Variants in POLR3A observed in about 807,000 individuals in gnomAD.
POLR3A encodes RNA polymerase III subunit A.
In POLR3A, 112 loss-of-function variants were observed where a neutral mutation model predicts 152.8. That is an observed-to-expected ratio of 0.73 (90% CI 0.63 to 0.86). The LOEUF (loss-of-function observed/expected upper bound fraction) is 0.86. Ranked by LOEUF, POLR3A falls within the 40% of genes least tolerant of loss-of-function variation. The pLI, the probability that POLR3A is intolerant of heterozygous loss-of-function variation, is 0.00. For synonymous variants in POLR3A, 615 were observed against 652.1 expected, an observed-to-expected ratio of 0.94 and a Z score of 0.87; for missense variants, 1,385 against 1,743.1, an observed-to-expected ratio of 0.79 and a Z score of 3.66.
intron 1 of POLR3A, 45 bp downstream of exon 1, chr10:78,029,319 C>CT: frequency 6.2e-7 from 1 of 1,607,116 alleles, no homozygotes; most frequent in Non-Finnish European, 8.5e-7. Context: ...CCTCGGACCC[C>CT]TTGCCCTATT....
intron 21 of POLR3A, among the ~76,000 whole-genome samples, chr10:77,988,133 C>T (rs1434709790): frequency 6.6e-6 from 1 of 152,126 alleles, no homozygotes; most frequent in African/African-American, 2.4e-5. Flanking sequence ...CTGTGTTGGC[C>T]CACTCTCTTT....
At chr10:77,985,095 T>C (rs1490783473) in intron 24 of POLR3A, 75 bp downstream of exon 24, 2 of 1,205,326 alleles carry the variant, frequency 1.7e-6, no homozygotes, top group Admixed American at 1.7e-5. Flanking sequence ...CACATATGCA[T>C]GTGACACGGG....
chr10:78,007,352 T>C (rs546004184), intron 15 of POLR3A, among the ~76,000 whole-genome samples: 34 of 152,248 alleles, frequency 2.2e-4, no homozygotes, highest in Middle Eastern at 6.8e-3. Context: ...TTGAGTAATC[T>C]TGGAGAACTG....
At position 78,004,889 on chromosome 10, in the gene POLR3A, C is replaced by G; in HGVS notation, c.2075-1G>C. 6.2e-7 allele frequency: 1 copy of G among 1,613,948 alleles called. No homozygotes were observed. The highest frequency in any genetic ancestry group is 8.5e-7 in the Non-Finnish European group (1 of 1,179,828). ...ATCCCAATTGAGAAACCACGGTTAG[C>G]TGTTGAGTTGGTAGAGCAGGAAGAA... On this transcript the variant is annotated splice_acceptor_variant, in intron 15 of 30. Coordinates refer to ENST00000372371, the MANE Select transcript of POLR3A (RefSeq NM_007055.4). LOFTEE classifies it high-confidence loss of function.
chr10:77,988,414 T>C (rs1184622796), intron 21 of POLR3A, among the ~76,000 whole-genome samples: 1 of 151,584 alleles, frequency 6.6e-6, no homozygotes, highest in African/African-American at 2.4e-5. Flanking sequence ...CCCAGCTATT[T>C]GGGAGGCTGA....
chr10:78,007,928 A>T, intron 14 of POLR3A, 62 bp from the exon 15 acceptor site: 2 of 1,367,008 alleles, frequency 1.5e-6, no homozygotes, highest in South Asian at 2.3e-5. Flanking sequence ...TTCCAAAATG[A>T]ATTTGAGACA....
intron 8 of POLR3A, chr10:78,019,490 T>C (rs577660647): frequency 1.7e-6 from 1 of 579,582 alleles, no homozygotes; most frequent in East Asian, 3.0e-5. Context: ...CTGAGTGACA[T>C]GGCCAATTCC....
intron 30 of POLR3A, 67 bp downstream of exon 30, chr10:77,980,074 G>C (rs1477146682): frequency 1.4e-6 from 2 of 1,451,676 alleles, no homozygotes; most frequent in Non-Finnish European, 1.9e-6. Context: ...TCCCTTGGAA[G>C]CCTAGCCATG....
Position 77,982,762 on chromosome 10 carries a change from G to A in POLR3A, c.3485C>T (p.Pro1162Leu), listed in dbSNP as rs768578854. The change falls in exon 27 of 31, where the codon CCC becomes CTC. Residue 1162 changes from proline to leucine, a missense_variant. Transcript: ENST00000372371. ...SICTSKLRVK[P>L]GDVAVHGEAV... ...CTCACCATGAACAGCCACATCACCGGGCTTCACACGGAGCTTGGATGTGCA... is the reference window on the plus strand; with the variant it reads ...CTCACCATGAACAGCCACATCACCGAGCTTCACACGGAGCTTGGATGTGCA... 1.9e-6 allele frequency: 3 copies of A among 1,613,796 alleles called. No individual in the cohort carries two copies. Among genetic ancestry groups the A allele is most frequent in the South Asian group, 2.2e-5 (2 of 91,064 alleles).
chr10:78,005,836 G>C (rs1222775235), intron 15 of POLR3A, among the ~76,000 whole-genome samples: 1 of 152,174 alleles, frequency 6.6e-6, no homozygotes, highest in Non-Finnish European at 1.5e-5. Flanking sequence ...CTGAGGGAAA[G>C]TCTGTATATT....
At chr10:78,019,104 C>T (rs1847552937) in intron 9 of POLR3A, 58 bp downstream of exon 9, 5 of 1,166,224 alleles carry the variant, frequency 4.3e-6, no homozygotes, top group Non-Finnish European at 6.5e-6. Context: ...TGAGTATGAC[C>T]ACAGTGAGCT....
At chr10:78,016,967 T>C (rs1478301384) in intron 10 of POLR3A, among the ~76,000 whole-genome samples, 1 of 152,128 alleles carries the variant, frequency 6.6e-6, no homozygotes, top group Non-Finnish European at 1.5e-5. Context: ...TGTGAAACCA[T>C]GCTAGTCACT....
chr10:77,980,397 G>A, intron 29 of POLR3A, 124 bp from the exon 30 acceptor site: 2 of 879,544 alleles, frequency 2.3e-6, no homozygotes, highest in Non-Finnish European at 3.7e-6. Flanking sequence ...AGGTGTGAAA[G>A]GCCCTGAGGA....
At chr10:78,011,762 C>A (rs1435013362) in intron 11 of POLR3A, among the ~76,000 whole-genome samples, 1 of 152,074 alleles carries the variant, frequency 6.6e-6, no homozygotes, top group Non-Finnish European at 1.5e-5. Flanking sequence ...AAATTAGAGC[C>A]CTATGCACTA....
In POLR3A at chr10:77,983,963, A is replaced by G. The variant is rs1291298186; in HGVS notation, c.3386T>C (p.Leu1129Pro). ...EVFLPDDCFI[L>P]VKLSLERIRL... The stretch of plus-strand genomic sequence containing the variant: ...AATCCGTTCCAGGGAGAGCTTGACG[A>G]GAATAAAGCAGTCATCAGGAAGAAA... Residue 1129 changes from leucine to proline, a missense_variant, in exon 26 of 31, where the codon CTC becomes CCC. By Grantham distance (98) the Leu-to-Pro change is moderately conservative (BLOSUM62 -3). Around this residue, in one of 7 missense-constraint regions of POLR3A, gnomAD observed 332 missense variants for 400.1 expected, o/e 0.83. Transcript: ENST00000372371. The G allele has an allele frequency of 6.2e-7, 1 of 1,612,870 alleles. No individual in the cohort carries two copies. The highest frequency in any genetic ancestry group is 1.3e-5 in the African/African-American group (1 of 74,930).
At chr10:77,993,418 T>C (rs1847268863) in intron 19 of POLR3A, 51 bp from the exon 20 acceptor site, 3 of 1,385,670 alleles carry the variant, frequency 2.2e-6, no homozygotes, top group Non-Finnish European at 3.1e-6. Context: ...ACTAGTCACA[T>C]GGGGAGAGGA....
intron 2 of POLR3A, 114 bp downstream of exon 2, chr10:78,025,980 T>A: frequency 7.4e-7 from 1 of 1,353,590 alleles, no homozygotes; most frequent in Non-Finnish European, 1.0e-6. Flanking sequence ...GTCTAATATG[T>A]GCAGGGGGGA....
Position 77,985,265 on chromosome 10 carries a change from G to A in POLR3A, c.3147C>T (p.Thr1049=), listed in dbSNP as rs1847186157. The A allele has an allele frequency of 1.2e-6, 2 of 1,613,864 alleles. No individual in the cohort carries two copies. Among genetic ancestry groups the A allele is most frequent in the African/African-American group, 2.7e-5 (2 of 75,038 alleles). Reference sequence around the variant, plus strand: ...CACCTGCAAAGTGGAAAGTCTTCAGGGTCATCTGGGTGCCTGGCTCACCAA... The same window carrying A: ...CACCTGCAAAGTGGAAAGTCTTCAGAGTCATCTGGGTGCCTGGCTCACCAA... ...QSIGEPGTQM[T]LKTFHFAGVA... is the part of the protein sequence containing the mutation. The change falls in exon 24 of 31, where the codon ACC becomes ACT. Residue 1049 remains threonine, a synonymous_variant. Transcript: ENST00000372371.
chr10:77,983,702 T>C (rs998697910), intron 26 of POLR3A, among the ~76,000 whole-genome samples: 1 of 152,158 alleles, frequency 6.6e-6, no homozygotes, highest in Non-Finnish European at 1.5e-5. Context: ...TGCACAAAAT[T>C]TCAACTAATT....
Sources: gnomAD v4.1 joint callset for allele counts (sites outside exome capture counted in the v4.1 genomes callset) on GRCh38, gnomAD v4.1.1 for gene constraint, gnomAD v4.1.1 regional missense constraint, MANE v1.5 for transcripts, NCBI Gene and HGNC (gene_info 2026-07-23, HGNC 2026-07-21) for gene names.